The following COL4A5 variants were observed in gnomAD, a reference collection of about 807,000 sequenced individuals.
The protein encoded by COL4A5 is collagen alpha-5(IV) chain.
A neutral mutation model predicts 130.2 loss-of-function variants in COL4A5; 26 were observed. The observed-to-expected ratio is 0.20, with a 90% CI of 0.15 to 0.28. The LOEUF is 0.28. Among genes scored for constraint, COL4A5 ranks in the 10% least tolerant of loss-of-function variants. COL4A5 has a pLI of 1.00. For missense variants in COL4A5, 1,131 were observed against 1,344.3 expected (o/e 0.84, Z 2.48); for synonymous variants, 496 against 439.6 (o/e 1.13, Z -1.60).
intron 1 of COL4A5, among the ~76,000 whole-genome samples, chrX:108,518,576 G>A (rs73524488): frequency 0.017 from 1,900 of 110,409 alleles, 51 homozygotes; most frequent in African/African-American, 0.059. Flanking sequence ...CCTCCTTTCT[G>A]CAACCTTTCT....
intron 1 of COL4A5, among the ~76,000 whole-genome samples, chrX:108,469,397 G>A (rs2064742200): frequency 9.2e-6 from 1 of 109,250 alleles, no homozygotes; most frequent in Non-Finnish European, 1.9e-5. Context: ...CTCCTGCCTC[G>A]GTCTTCCAAA....
chrX:108,541,326 G>T (rs1360789136), intron 2 of COL4A5, among the ~76,000 whole-genome samples: 1 of 112,005 alleles, frequency 8.9e-6, no homozygotes, highest in African/African-American at 3.2e-5. Context: ...ATGTTTATCA[G>T]ATTAACTTTT....
intron 26 of COL4A5, 47 bp from the exon 27 acceptor site, chrX:108,601,838 T>G: frequency 2.5e-6 from 2 of 805,908 alleles, no homozygotes; most frequent in Non-Finnish European, 3.7e-6. Flanking sequence ...CCCTGATGGC[T>G]TCTTTCTTTG....
At position 108,622,099 on chromosome X, in the gene COL4A5, A is replaced by T. The variant is rs554645023; in HGVS notation, c.2767+207A>T. ...TGATACATGGTAAATGCTTAGCTCA[A>T]AATAACAAAATATAAGGATTAAGCA... On this transcript the variant is annotated intron_variant, in intron 32 of 52. Transcript: ENST00000328300. Among the ~76,000 whole-genome samples the T allele has an allele frequency of 6.2e-5, 7 of 112,555 alleles. No homozygotes were observed. The South Asian group carries it at 2.6e-3, about 41-fold the overall frequency.
At chrX:108,650,045 T>G (rs988386852) in intron 36 of COL4A5, among the ~76,000 whole-genome samples, 2 of 107,662 alleles carry the variant, frequency 1.9e-5, no homozygotes, top group African/African-American at 6.8e-5. Context: ...TACAACGAAC[T>G]CAAACAAATC....
intron 50 of COL4A5, 115 bp from the exon 51 acceptor site, chrX:108,694,692 C>A (rs1193898247): frequency 1.2e-5 from 7 of 576,148 alleles, no homozygotes; most frequent in Non-Finnish European, 2.1e-5. Flanking sequence ...CTTTTGTGAT[C>A]ATTGAAAGAG....
rs149033883 is a variant in COL4A5 at position 108,635,244 on chromosome X, G to A, written c.3246+8895G>A. 9.9e-4 allele frequency among the ~76,000 whole-genome samples: 109 copies of A among 110,516 alleles called. 3 individuals carry two copies. The East Asian group carries it at 0.03, about 31-fold the overall frequency. ...TGGGAGAAAAAAAATCCTACTTTTT[G>A]TAGTTATTGTGAGGTTTCAATGAGA... On this transcript the variant is annotated intron_variant, in intron 36 of 52. Transcript: ENST00000328300.
chrX:108,510,846 A>G (rs904255897), intron 1 of COL4A5, among the ~76,000 whole-genome samples: 1 of 106,348 alleles, frequency 9.4e-6, no homozygotes, highest in Non-Finnish European at 1.9e-5. Context: ...TATTTTTTAA[A>G]TTTTATTTTT....
rs746752144 is a variant in COL4A5 at position 108,597,426 on chromosome X, A to C, written c.1637A>C (p.Glu546Ala). 2.5e-6 allele frequency: 3 copies of C among 1,210,856 alleles called. No individual in the cohort carries two copies. In the South Asian group the frequency reaches 5.3e-5, roughly 21 times the overall value. ...CCAGGCTTTCCTGGATCTAAAGGTG[A>C]ACCTGGTGATATCCTCACTTTTCCA... ...GAPGFPGSKG[E>A]PGDILTFPGM... Residue 546 changes from glutamate to alanine, a missense_variant, in exon 24 of 53, where the codon GAA becomes GCA. Glu to Ala is a moderately radical substitution (Grantham distance 107, BLOSUM62 -1). Coordinates refer to ENST00000328300, the MANE Select transcript of COL4A5 (RefSeq NM_033380.3).
At chrX:108,510,639 A>T (rs1210228398) in intron 1 of COL4A5, among the ~76,000 whole-genome samples, 2 of 111,782 alleles carry the variant, frequency 1.8e-5, no homozygotes, top group Non-Finnish European at 3.8e-5. Context: ...GAATTAGAAC[A>T]GAGAGAAAAG....
chrX:108,622,170 C>A (rs191227990), intron 32 of COL4A5, among the ~76,000 whole-genome samples: 1 of 112,098 alleles, frequency 8.9e-6, no homozygotes, highest in East Asian at 2.8e-4. Context: ...GCTCTGTTGC[C>A]CAGGCTGGAG....
chrX:108,664,808 G>A (rs1484381739), intron 37 of COL4A5, among the ~76,000 whole-genome samples: 1 of 111,888 alleles, frequency 8.9e-6, no homozygotes, highest in Non-Finnish European at 1.9e-5. Context: ...CACATGAAAA[G>A]GTGATCGATG....
At chrX:108,440,268 T>C in intron 1 of COL4A5, 62 bp downstream of exon 1, 1 of 793,194 alleles carries the variant, frequency 1.3e-6, no homozygotes, top group Non-Finnish European at 1.9e-6. Flanking sequence ...ATTACCTTTT[T>C]TTTGGGGGGG....
intron 2 of COL4A5, among the ~76,000 whole-genome samples, chrX:108,546,683 G>T (rs1408419183): frequency 2.5e-4 from 28 of 111,407 alleles, no homozygotes; most frequent in Non-Finnish European, 4.7e-4. Context: ...AAGTTCTCCT[G>T]GATAATATCC....
At chrX:108,564,915 A>T (rs1410317614) in intron 4 of COL4A5, among the ~76,000 whole-genome samples, 2 of 111,570 alleles carry the variant, frequency 1.8e-5, no homozygotes, top group Non-Finnish European at 3.8e-5. Flanking sequence ...ACTGATACGG[A>T]TAGGGTACTG....
intron 37 of COL4A5, among the ~76,000 whole-genome samples, chrX:108,656,168 C>T (rs2067837742): frequency 3.6e-5 from 4 of 111,541 alleles, no homozygotes; most frequent in Admixed American, 1.9e-4. Flanking sequence ...CATGCCCCTA[C>T]GCCCCCCAAC....
intron 30 of COL4A5, 87 bp from the exon 31 acceptor site, chrX:108,620,172 T>G (rs1162191521): frequency 3.8e-6 from 3 of 793,622 alleles, no homozygotes; most frequent in Non-Finnish European, 5.8e-6. Context: ...ATCTACAGGG[T>G]TCTATCACTT....
At chrX:108,440,274 G>A (rs1038030435) in intron 1 of COL4A5, 68 bp downstream of exon 1, 7 of 739,763 alleles carry the variant, frequency 9.5e-6, no homozygotes, top group Admixed American at 4.9e-5. Flanking sequence ...TTTTTTTTGG[G>A]GGGGGGGTCC....
rs1369958086 is a variant in COL4A5 at position 108,526,637 on chromosome X, TTTCTTTCTTTCTTTCTTTCTTTC to T, written c.82-13096_82-13074del. On this transcript the variant is annotated intron_variant, in intron 1 of 52. Transcript: ENST00000328300. ...CTTTCTTTCTTTCTTTCTTTCTTTCTTTCTTTCTTTCTTTCTTTCTTTCTTCTTTCTTTCTCTTTCTTTCTTTC... is the reference window on the plus strand; with the variant it reads ...CTTTCTTTCTTTCTTTCTTTCTTTCTTTCTTTCTTTCTCTTTCTTTCTTTC... 2.7e-3 allele frequency among the ~76,000 whole-genome samples: 182 copies of T among 68,020 alleles called. 2 individuals carry two copies. The highest frequency in any genetic ancestry group is 0.013 in the African/African-American group (154 of 12,203). 59.1% of individuals were successfully genotyped at this position (68,020 alleles called of 115,157 possible).
Sources: allele counts gnomAD v4.1 joint callset (sites outside exome capture counted in the v4.1 genomes callset), GRCh38; gene constraint gnomAD v4.1.1; transcripts MANE v1.5; gene names NCBI Gene and HGNC (gene_info 2026-07-23, HGNC 2026-07-21).